Variants in NELL1 observed in about 807,000 individuals in gnomAD.
NELL1 encodes the protein protein kinase C-binding protein NELL1.
In NELL1, 76 loss-of-function variants were observed where a neutral mutation model predicts 107.4. The observed-to-expected ratio is 0.71, with a 90% CI of 0.59 to 0.86. The LOEUF (loss-of-function observed/expected upper bound fraction) is 0.86. NELL1 is among the 40% of genes least tolerant of loss of function. The pLI is 0.00. For missense variants in NELL1, 1,024 were observed against 1,005.5 expected, an observed-to-expected ratio of 1.02 and a Z score of -0.25; for synonymous variants, 353 against 341.2, an observed-to-expected ratio of 1.03 and a Z score of -0.38.
intron 12 of NELL1, among the ~76,000 whole-genome samples, chr11:20,977,823 C>G (rs1054700205): frequency 6.6e-6 from 1 of 152,100 alleles, no homozygotes; most frequent in African/African-American, 2.4e-5. Context: ...GTTGTTGCTG[C>G]TAATATTTAT....
intron 5 of NELL1, among the ~76,000 whole-genome samples, chr11:20,917,354 G>T (rs1163890259): frequency 1.3e-5 from 2 of 151,812 alleles, no homozygotes; most frequent in Non-Finnish European, 2.9e-5. Flanking sequence ...AACTGCATTT[G>T]CTGATTGCCT....
At chr11:21,176,391 G>A (rs933776396) in intron 13 of NELL1, among the ~76,000 whole-genome samples, 1 of 151,672 alleles carries the variant, frequency 6.6e-6, no homozygotes, top group Non-Finnish European at 1.5e-5. Context: ...TGTCTTACTC[G>A]CATGGGATTA....
intron 14 of NELL1, chr11:21,260,115 A>T (rs1858868105): frequency 6.6e-6 from 1 of 151,978 alleles, no homozygotes; most frequent in Non-Finnish European, 1.5e-5. Context: ...ATGTTAAAAT[A>T]GTCTTATCAC....
chr11:21,144,666 G>A (rs1017147629), intron 13 of NELL1, among the ~76,000 whole-genome samples: 4 of 152,254 alleles, frequency 2.6e-5, no homozygotes, highest in Admixed American at 6.5e-5. Context: ...TGCTTTTAGC[G>A]TGACTGTCTC....
intron 12 of NELL1, among the ~76,000 whole-genome samples, chr11:21,055,037 C>T (rs1300671583): frequency 2.0e-5 from 3 of 151,948 alleles, no homozygotes; most frequent in African/African-American, 7.2e-5. Flanking sequence ...TTAGTTGTGG[C>T]TTACCTTGCC....
intron 2 of NELL1, among the ~76,000 whole-genome samples, chr11:20,744,432 A>G (rs557794233): frequency 1.3e-5 from 2 of 152,212 alleles, no homozygotes; most frequent in South Asian, 2.1e-4. Context: ...ACACTACTCT[A>G]AAACTCAGGA....
intron 2 of NELL1, among the ~76,000 whole-genome samples, chr11:20,702,849 G>A (rs1854832535): frequency 1.3e-5 from 2 of 152,102 alleles, no homozygotes; most frequent in African/African-American, 4.8e-5. Flanking sequence ...ATGCATCCCA[G>A]GGATGAAGCC....
At chr11:20,983,234 ACT>A (rs907584775) in intron 12 of NELL1, among the ~76,000 whole-genome samples, 5 of 152,004 alleles carry the variant, frequency 3.3e-5, no homozygotes, top group African/African-American at 9.7e-5. Flanking sequence ...GTGATATGTC[ACT>A]CTGGAATTTG....
chr11:21,047,709 A>G (rs771277688), intron 12 of NELL1, among the ~76,000 whole-genome samples: 11 of 152,202 alleles, frequency 7.2e-5, no homozygotes, highest in Non-Finnish European at 1.3e-4. Context: ...AACATATAAA[A>G]TGGGCCAGGA....
intron 1 of NELL1, among the ~76,000 whole-genome samples, chr11:20,676,338 T>G (rs1180723090): frequency 6.6e-6 from 1 of 152,078 alleles, no homozygotes; most frequent in Non-Finnish European, 1.5e-5. Flanking sequence ...TTCATTTGTT[T>G]ATTTTTTGCC....
At chr11:21,006,375 T>C (rs1189266053) in intron 12 of NELL1, among the ~76,000 whole-genome samples, 2 of 152,136 alleles carry the variant, frequency 1.3e-5, no homozygotes, top group Non-Finnish European at 2.9e-5. Context: ...CTTCCCCAGA[T>C]ATAGTCCCTT....
intron 12 of NELL1, among the ~76,000 whole-genome samples, chr11:21,091,130 A>G (rs970534027): frequency 2.6e-5 from 4 of 152,196 alleles, no homozygotes; most frequent in Non-Finnish European, 5.9e-5. Context: ...CAGGAGGTCC[A>G]TTTCTGGCTC....
chr11:21,006,772 A>T (rs1281059568), intron 12 of NELL1, among the ~76,000 whole-genome samples: 1 of 152,076 alleles, frequency 6.6e-6, no homozygotes, highest in Non-Finnish European at 1.5e-5. Context: ...GACCACTGTG[A>T]TACAATACTT....
Position 20,928,483 on chromosome 11 carries a change from A to C in NELL1, c.997+4A>C. The stretch of plus-strand genomic sequence containing the variant: ...CAGTGCTGTAAGGTCTGCCGACGTA[A>C]GTACTGACTGAGGGTCAGACTGGCT... On this transcript the variant is annotated splice_donor_region_variant and intron_variant, in intron 9 of 19. Transcript: ENST00000357134. The C allele has an allele frequency of 6.2e-7, 1 of 1,609,928 alleles. No homozygotes were observed. Among genetic ancestry groups the C allele is most frequent in the Non-Finnish European group, 8.5e-7 (1 of 1,176,260 alleles).
At chr11:21,176,772 C>A (rs1175462036) in intron 13 of NELL1, among the ~76,000 whole-genome samples, 1 of 151,528 alleles carries the variant, frequency 6.6e-6, no homozygotes, top group Non-Finnish European at 1.5e-5. Context: ...TAGGTGGTGA[C>A]AGAAATGTGA....
chr11:20,838,811 TACCACTACAA>T (rs1266757391), intron 3 of NELL1, among the ~76,000 whole-genome samples: 1 of 152,140 alleles, frequency 6.6e-6, no homozygotes, highest in Non-Finnish European at 1.5e-5. Flanking sequence ...CAATTACCAT[TACCACTACAA>T]CTACAACCAC....
At chr11:20,746,331 A>G (rs566943532) in intron 2 of NELL1, among the ~76,000 whole-genome samples, 1 of 152,318 alleles carries the variant, frequency 6.6e-6, no homozygotes, top group South Asian at 2.1e-4. Flanking sequence ...GGATGAGTGG[A>G]AAGATGTGAT....
Position 20,693,343 on chromosome 11 carries a change from T to C in NELL1, c.184+15283T>C, listed in dbSNP as rs193018015. ...ATCCTGTCATTATGATGTTAGCTGG[T>C]TATTTTGCTTGTTAGTTGATGCAGT... On this transcript the variant is annotated intron_variant, in intron 2 of 19. Transcript: ENST00000357134. 9.2e-3 allele frequency among the ~76,000 whole-genome samples: 1,402 copies of C among 152,224 alleles called. 22 individuals carry two copies. Among genetic ancestry groups the C allele is most frequent in the Admixed American group, 0.035 (539 of 15,278 alleles).
At chr11:21,033,280 C>T (rs1425806338) in intron 12 of NELL1, among the ~76,000 whole-genome samples, 2 of 152,122 alleles carry the variant, frequency 1.3e-5, no homozygotes, top group African/African-American at 4.8e-5. Flanking sequence ...TTCAGCTATT[C>T]TCCAAGTATT....
Sources: allele counts gnomAD v4.1 joint callset (sites outside exome capture counted in the v4.1 genomes callset), GRCh38; gene constraint gnomAD v4.1.1; transcripts MANE v1.5; gene names NCBI Gene and HGNC (gene_info 2026-07-23, HGNC 2026-07-21).